RXFP1: variants seen among roughly 807,000 people sequenced by gnomAD.
RXFP1 encodes the protein relaxin receptor 1.
A neutral mutation model predicts 89.8 loss-of-function variants in RXFP1; 73 were observed. The ratio of observed to expected loss-of-function variants is 0.81; its 90% CI spans 0.67 to 0.99. The LOEUF is 0.99. Ranked by LOEUF, RXFP1 falls within the 50% of genes least tolerant of loss-of-function variation. RXFP1 has a pLI of 0.00. For missense variants in RXFP1, 793 were observed against 895.5 expected (o/e 0.89, Z 1.46); for synonymous variants, 277 against 305.5 (o/e 0.91, Z 0.97).
At chr4:158,646,527 G>A in intron 15 of RXFP1, 1 of 1,285,738 alleles carries the variant, frequency 7.8e-7, no homozygotes, top group Non-Finnish European at 9.9e-7. Context: ...GACAAGATCT[G>A]TGCTGTTAGA....
At chr4:158,542,092 TATATATATATATA>T (rs1227722590) in intron 1 of RXFP1, among the ~76,000 whole-genome samples, 25 of 37,150 alleles carry the variant, frequency 6.7e-4, no homozygotes, top group African/African-American at 1.6e-3. Context: ...TATATATATA[TATATATATATATA>T]TATATTTTTT....
In RXFP1 at chr4:158,591,051, A is replaced by G. The variant is rs78482834; in HGVS notation, c.188-2350A>G. ...CTGCCCTAACTGCCACTAGATATCC[A>G]TGAGGCTGGTGTGTATAAACCTCAG... On this transcript the variant is annotated intron_variant, in intron 2 of 17. Transcript: ENST00000307765. Among the ~76,000 whole-genome samples, 1,501 of 152,270 alleles carry G rather than the reference A, an allele frequency of 9.9e-3. 26 individuals are homozygous for G. The highest frequency in any genetic ancestry group is 0.034 in the African/African-American group (1,431 of 41,538).
chr4:158,555,679 G>T (rs1012206957), intron 1 of RXFP1, among the ~76,000 whole-genome samples: 12 of 152,070 alleles, frequency 7.9e-5, no homozygotes, highest in Admixed American at 2.0e-4. Flanking sequence ...CTCAATACTT[G>T]TGTCTCACTT....
chr4:158,582,185 T>G (rs1314593102), intron 2 of RXFP1, among the ~76,000 whole-genome samples: 2 of 152,226 alleles, frequency 1.3e-5, no homozygotes, highest in African/African-American at 2.4e-5. Context: ...ACAGCCAAAC[T>G]ATAGCAGTAG....
At chr4:158,556,341 G>C (rs1751302530) in intron 1 of RXFP1, among the ~76,000 whole-genome samples, 1 of 152,002 alleles carries the variant, frequency 6.6e-6, no homozygotes, top group Non-Finnish European at 1.5e-5. Context: ...CTAATTATCA[G>C]GGAAATGCAA....
intron 2 of RXFP1, among the ~76,000 whole-genome samples, chr4:158,586,337 C>T (rs950092890): frequency 6.6e-6 from 1 of 152,156 alleles, no homozygotes; most frequent in African/African-American, 2.4e-5. Context: ...TATAGCATGA[C>T]TATATCATTT....
chr4:158,541,810 A>G lies in RXFP1; in HGVS notation c.49+19785A>G, dbSNP rs532763971. Among the ~76,000 whole-genome samples the G allele has an allele frequency of 2.0e-5, 3 of 152,192 alleles. No homozygotes were observed. In the South Asian group the frequency reaches 6.2e-4, roughly 32 times the overall value. On this transcript the variant is annotated intron_variant, in intron 1 of 17. Coordinates refer to ENST00000307765, the MANE Select transcript of RXFP1 (RefSeq NM_021634.4). ...AGCCCCCATACAATTACTAAATACA[A>G]TTAACATTGAAAAATCATATTATTT... is the stretch of plus-strand genomic sequence containing the variant.
In RXFP1 at chr4:158,599,423, G is replaced by A; in HGVS notation, c.384G>A (p.Val128=). The part of the protein sequence containing the change: ...LRAVPSVSSN[V]TAMSLQWNLI... ...CTGTTCCATCGGTTTCTTCAAATGT[G>A]ACTGCAATGTAAGTAGAAAAGAATT... The change falls in exon 4 of 18, where the codon GTG becomes GTA. Residue 128 remains valine, a synonymous_variant. Transcript: ENST00000307765. 13 of 1,612,626 alleles carry A rather than the reference G, an allele frequency of 8.1e-6. 1 individual carries two copies. The highest frequency in any genetic ancestry group is 3.4e-6 in the Non-Finnish European group (4 of 1,179,120).
Position 158,610,524 on chromosome 4 carries a change from C to T in RXFP1, c.537-1606C>T, listed in dbSNP as rs577664297. 1.3e-3 allele frequency: 553 copies of T among 425,812 alleles called. 1 individual carries two copies. The highest frequency in any genetic ancestry group is 2.2e-3 in the Non-Finnish European group (481 of 222,666). The allele number at this position is 425,812 out of a possible 1,614,324, so 26.4% of individuals were successfully genotyped here. A position where few individuals can be genotyped will look rare whatever the true frequency, so the allele number is the denominator to read the frequency against. On this transcript the variant is annotated intron_variant, in intron 6 of 17. Transcript: ENST00000307765. ...ATCTAAGATGGGAAAACAATGCCAA[C>T]ATATATAAAACATTAGAGAACCATT...
intron 1 of RXFP1, among the ~76,000 whole-genome samples, chr4:158,556,081 G>A (rs1050457648): frequency 2.0e-5 from 3 of 152,018 alleles, no homozygotes; most frequent in African/African-American, 7.2e-5. Flanking sequence ...TAGACAAATG[G>A]ATTATATCAA....
At chr4:158,623,130 G>C (rs897295755) in intron 9 of RXFP1, among the ~76,000 whole-genome samples, 2 of 152,022 alleles carry the variant, frequency 1.3e-5, no homozygotes, top group African/African-American at 4.8e-5. Flanking sequence ...CACATTATAA[G>C]TCTATACACA....
chr4:158,541,899 G>A (rs772127657), intron 1 of RXFP1, among the ~76,000 whole-genome samples: 13 of 150,940 alleles, frequency 8.6e-5, no homozygotes, highest in Admixed American at 2.6e-4. Context: ...CGGGGTGGCC[G>A]GGAGGAATGA....
intron 1 of RXFP1, among the ~76,000 whole-genome samples, chr4:158,543,345 G>A (rs528144246): frequency 6.6e-6 from 1 of 152,314 alleles, no homozygotes; most frequent in South Asian, 2.1e-4. Context: ...GTGATGTAAA[G>A]CTGGATTTTC....
chr4:158,588,307 T>A (rs1758700189), intron 2 of RXFP1, among the ~76,000 whole-genome samples: 1 of 152,200 alleles, frequency 6.6e-6, no homozygotes, highest in African/African-American at 2.4e-5. Context: ...TTTAATCCAA[T>A]GATTCAGTCA....
intron 1 of RXFP1, among the ~76,000 whole-genome samples, chr4:158,541,350 GCACACACACACACA>G (rs58856633): frequency 7.2e-6 from 1 of 139,794 alleles, no homozygotes; most frequent in Admixed American, 7.3e-5. Context: ...AGAGCTTCAT[GCACACACACACACA>G]CACACACACA....
intron 10 of RXFP1, among the ~76,000 whole-genome samples, chr4:158,627,498 C>T (rs898472711): frequency 1.1e-4 from 14 of 128,052 alleles, no homozygotes; most frequent in African/African-American, 4.5e-4. Context: ...GTTTCATGAG[C>T]CTTAGGGTGT....
chr4:158,585,886 T>C (rs575928423), intron 2 of RXFP1, among the ~76,000 whole-genome samples: 108 of 152,330 alleles, frequency 7.1e-4, no homozygotes, highest in African/African-American at 2.5e-3. Context: ...TTGAGTGTCT[T>C]AAACTACTTG....
At chr4:158,579,738 C>T (rs1277567157) in intron 2 of RXFP1, among the ~76,000 whole-genome samples, 1 of 152,170 alleles carries the variant, frequency 6.6e-6, no homozygotes, top group African/African-American at 2.4e-5. Context: ...AGAATTTAGT[C>T]TTAGTGGATT....
intron 2 of RXFP1, among the ~76,000 whole-genome samples, chr4:158,574,901 A>G (rs1010779718): frequency 2.6e-5 from 4 of 151,598 alleles, no homozygotes; most frequent in African/African-American, 4.9e-5. Flanking sequence ...TAAAAAAAAC[A>G]ACGTCTTGTT....
Sources: gnomAD v4.1 joint callset for allele counts (sites outside exome capture counted in the v4.1 genomes callset) on GRCh38, gnomAD v4.1.1 for gene constraint, MANE v1.5 for transcripts, NCBI Gene and HGNC (gene_info 2026-07-23, HGNC 2026-07-21) for gene names.